NECTIN3: variants seen among roughly 807,000 people sequenced by gnomAD.
The protein encoded by NECTIN3 is nectin cell adhesion molecule 3, also known as nectin-3.
NECTIN3 carries 8 observed loss-of-function variants against 49.4 expected under a neutral mutation model. That is an observed-to-expected ratio of 0.16 (90% confidence interval 0.10 to 0.29). NECTIN3 has a LOEUF of 0.29. Among genes scored for constraint, NECTIN3 ranks in the 10% least tolerant of loss-of-function variants. NECTIN3 has a pLI of 1.00. For synonymous variants in NECTIN3, 277 were observed against 241.1 expected, an observed-to-expected ratio of 1.15 and a Z score of -1.38; for missense variants, 581 against 654.6, an observed-to-expected ratio of 0.89 and a Z score of 1.23.
At chr3:111,095,976 A>G (rs2032561347) in intron 1 of NECTIN3, among the ~76,000 whole-genome samples, 1 of 152,230 alleles carries the variant, frequency 6.6e-6, no homozygotes, top group African/African-American at 2.4e-5. Context: ...TACTGAAAAG[A>G]TGCCTGAACA....
chr3:111,173,341 C>A (rs2035467727), intron 7 of NECTIN3, among the ~76,000 whole-genome samples: 1 of 152,210 alleles, frequency 6.6e-6, no homozygotes, highest in African/African-American at 2.4e-5. Flanking sequence ...TCTTCTGGAT[C>A]TTTTACCTGT....
intron 1 of NECTIN3, among the ~76,000 whole-genome samples, chr3:111,107,457 G>T (rs1002441860): frequency 2.0e-5 from 3 of 152,068 alleles, no homozygotes; most frequent in Non-Finnish European, 4.4e-5. Context: ...TTTTATTATG[G>T]TTTTCCTACG....
chr3:111,193,162 A>G (rs2035842845), intron 1 of NECTIN3: 1 of 1,502,172 alleles, frequency 6.7e-7, no homozygotes, highest in Admixed American at 2.0e-5. Flanking sequence ...AAATGCAAAC[A>G]GCTGCTCTGC....
At chr3:111,184,093 T>A (rs60585479) in intron 7 of NECTIN3, among the ~76,000 whole-genome samples, 5,821 of 152,202 alleles carry the variant, frequency 0.038, 176 homozygotes, top group East Asian at 0.074. Flanking sequence ...AGTACAGTGA[T>A]TTTTTCTTCT....
At chr3:111,072,851 T>A in intron 1 of NECTIN3, 1 of 330,328 alleles carries the variant, frequency 3.0e-6, no homozygotes, top group South Asian at 3.0e-5. Context: ...ACGTGTTAAA[T>A]ACCTGATTTC....
At chr3:111,086,225 C>T (rs2031916007) in intron 1 of NECTIN3, among the ~76,000 whole-genome samples, 1 of 152,028 alleles carries the variant, frequency 6.6e-6, no homozygotes, top group South Asian at 2.1e-4. Flanking sequence ...TTGCAAATAT[C>T]TTCTACTCTG....
At chr3:111,078,503 A>G (rs2031385795) in intron 1 of NECTIN3, among the ~76,000 whole-genome samples, 1 of 152,192 alleles carries the variant, frequency 6.6e-6, no homozygotes, top group Non-Finnish European at 1.5e-5. Flanking sequence ...CCTCATGGAA[A>G]GTTAACAATG....
chr3:111,077,190 C>A, intron 1 of NECTIN3: 1 of 438,924 alleles, frequency 2.3e-6, no homozygotes, highest in South Asian at 1.6e-5. Flanking sequence ...TTTAGTATGG[C>A]ATCCAGGAGA....
At chr3:111,166,084 GT>G (rs1190334419) in intron 7 of NECTIN3, among the ~76,000 whole-genome samples, 11 of 152,200 alleles carry the variant, frequency 7.2e-5, no homozygotes, top group African/African-American at 2.7e-4. Flanking sequence ...TCTGCTGCAA[GT>G]TTTGGTGATG....
chr3:111,125,022 CTTTTTTTTTTTTTT>C (rs869201432), intron 4 of NECTIN3, among the ~76,000 whole-genome samples: 1 of 90,210 alleles, frequency 1.1e-5, no homozygotes, highest in Non-Finnish European at 2.0e-5. Context: ...TCTTTTCTTT[CTTTTTTTTTTTTTT>C]TTTTTTTTTT....
chr3:111,136,696 C>G lies in NECTIN3; in HGVS notation c.*2481C>G. The stretch of plus-strand genomic sequence containing the variant: ...TCGTGAAAAAAAATGAATATTTGTA[C>G]TATTTTTGGCCATATTTATATTTAT... On this transcript the variant is annotated 3_prime_UTR_variant, in exon 6 of 6. Transcript: ENST00000485303. 1.1e-6 allele frequency: 1 copy of G among 911,726 alleles called. No individual in the cohort carries two copies. Among genetic ancestry groups the G allele is most frequent in the Non-Finnish European group, 1.3e-6 (1 of 763,332 alleles). The allele number at this position is 911,726 out of a possible 1,614,324, so 56.5% of individuals were successfully genotyped here.
intron 7 of NECTIN3, among the ~76,000 whole-genome samples, chr3:111,147,994 G>T (rs1432499685): frequency 1.3e-5 from 2 of 152,122 alleles, no homozygotes; most frequent in Non-Finnish European, 2.9e-5. Flanking sequence ...GGATTAATGT[G>T]CTGTATTTGG....
downstream of NECTIN3, among the ~76,000 whole-genome samples, chr3:111,137,981 TA>T (rs2107501786): frequency 6.6e-6 from 1 of 151,710 alleles, no homozygotes; most frequent in Non-Finnish European, 1.5e-5. Flanking sequence ...TCTCCATAGT[TA>T]TAAATTATCT....
intron 1 of NECTIN3, among the ~76,000 whole-genome samples, chr3:111,087,656 A>G (rs2032012725): frequency 6.6e-6 from 1 of 152,080 alleles, no homozygotes; most frequent in Non-Finnish European, 1.5e-5. Flanking sequence ...CTGTCTCAAA[A>G]AAAATAAAGA....
At chr3:111,158,893 A>G (rs2107518216) in intron 7 of NECTIN3, among the ~76,000 whole-genome samples, 1 of 152,294 alleles carries the variant, frequency 6.6e-6, no homozygotes, top group East Asian at 1.9e-4. Context: ...ACAACTCAAT[A>G]GGAAGACAAC....
At chr3:111,126,033 G>T in intron 4 of NECTIN3, 151 bp from the exon 5 acceptor site, 1 of 535,102 alleles carries the variant, frequency 1.9e-6, no homozygotes, top group South Asian at 5.1e-5. Flanking sequence ...ATGAAAATTT[G>T]TTACTTTTTT....
intron 1 of NECTIN3, among the ~76,000 whole-genome samples, chr3:111,102,934 T>C (rs2032987985): frequency 6.6e-6 from 1 of 152,220 alleles, no homozygotes; most frequent in Non-Finnish European, 1.5e-5. Flanking sequence ...TTTGCTCTTT[T>C]GTTAAAGATC....
chr3:111,193,428 T>G (rs1222558027), intron 1 of NECTIN3: 1 of 1,498,864 alleles, frequency 6.7e-7, no homozygotes, highest in South Asian at 1.2e-5. Context: ...ATTCTTAGAT[T>G]GGGGAGAGAA....
At chr3:111,129,687 C>T (rs1047449201) in intron 5 of NECTIN3, among the ~76,000 whole-genome samples, 46 of 151,358 alleles carry the variant, frequency 3.0e-4, no homozygotes, top group Middle Eastern at 3.4e-3. Context: ...CTCGCTCTGT[C>T]GCCCAGGCTG....
Sources: allele counts gnomAD v4.1 joint callset (sites outside exome capture counted in the v4.1 genomes callset), GRCh38; gene constraint gnomAD v4.1.1; transcripts MANE v1.5; gene names NCBI Gene and HGNC (gene_info 2026-07-23, HGNC 2026-07-21).